TENM2: variants seen among roughly 807,000 people sequenced by gnomAD.
The protein encoded by TENM2 is teneurin transmembrane protein 2.
A neutral mutation model predicts 245.2 loss-of-function variants in TENM2; 52 were observed. The ratio of observed to expected loss-of-function variants is 0.21; its 90% CI spans 0.17 to 0.27. The LOEUF (loss-of-function observed/expected upper bound fraction) is 0.27, where lower values mean the gene tolerates loss of function less well. TENM2 is among the 10% of genes least tolerant of loss of function. The pLI is 1.00. For synonymous variants in TENM2, 1,363 were observed against 1,438.9 expected, an observed-to-expected ratio of 0.95 and a Z score of 1.19; for missense variants, 3,046 against 3,666.8, an observed-to-expected ratio of 0.83 and a Z score of 4.37.
At chr5:167,435,702 T>C (rs186329139) in intron 2 of TENM2, among the ~76,000 whole-genome samples, 37 of 152,090 alleles carry the variant, frequency 2.4e-4, no homozygotes, top group African/African-American at 7.0e-4. Flanking sequence ...CAGAAGAAGA[T>C]AAAAAAATGT....
At chr5:167,389,031 T>A (rs548476103) in intron 2 of TENM2, among the ~76,000 whole-genome samples, 29 of 152,028 alleles carry the variant, frequency 1.9e-4, no homozygotes, top group African/African-American at 6.8e-4. Flanking sequence ...CTCAGCCCAT[T>A]TGGACTCTCA....
At chr5:167,363,095 C>T (rs4869034) in intron 1 of TENM2, among the ~76,000 whole-genome samples, 111,181 of 152,046 alleles carry the variant, frequency 0.73, 40,859 homozygotes, top group East Asian at 0.93. Flanking sequence ...GAGAACTCTC[C>T]ATCCAGGCAG....
intron 5 of TENM2, among the ~76,000 whole-genome samples, chr5:168,021,074 C>T (rs746353395): frequency 1.2e-4 from 18 of 152,268 alleles, no homozygotes; most frequent in African/African-American, 3.1e-4. Flanking sequence ...GGCTAGGAAT[C>T]GTTTGTGGCA....
At chr5:167,666,934 A>G (rs1226700558) in intron 2 of TENM2, among the ~76,000 whole-genome samples, 1 of 152,156 alleles carries the variant, frequency 6.6e-6, no homozygotes, top group East Asian at 1.9e-4. Context: ...TGAGACTGAA[A>G]GGGGTTTCTG....
At position 167,438,206 on chromosome 5, in the gene TENM2, A is replaced by G. The variant is rs191033146; in HGVS notation, c.502+62733A>G. On this transcript the variant is annotated intron_variant, in intron 2 of 28. Transcript: ENST00000518659. Reference sequence around the variant, plus strand: ...ATACTCCATCCAAAATGAACTATGTACTTTTTTCCGCAAGGATCCAAAAAG... The same window carrying G: ...ATACTCCATCCAAAATGAACTATGTGCTTTTTTCCGCAAGGATCCAAAAAG... 2.2e-3 allele frequency among the ~76,000 whole-genome samples: 337 copies of G among 152,256 alleles called. 1 individual carries two copies. Among genetic ancestry groups the G allele is most frequent in the African/African-American group, 7.6e-3 (315 of 41,548 alleles).
chr5:167,144,693 A>G, the TENM2 span, among the ~76,000 whole-genome samples: 3 of 152,138 alleles, frequency 2.0e-5, no homozygotes, highest in Non-Finnish European at 2.9e-5. Context: ...CCATTCACTC[A>G]TAAGCTGTTA....
chr5:168,137,604 G>T lies in TENM2; in HGVS notation c.2422+10638G>T, dbSNP rs144183015. Among the ~76,000 whole-genome samples the T allele has an allele frequency of 9.8e-5, 15 of 152,358 alleles. No homozygotes were observed. In the East Asian group the frequency reaches 2.1e-3, roughly 22 times the overall value. ...CTTTGCAGATAGCATCCTGGCAACA[G>T]GGCAAGGAGATTGTTTCCCTATATT... is the stretch of plus-strand genomic sequence containing the variant. On this transcript the variant is annotated intron_variant, in intron 12 of 28. Coordinates refer to ENST00000518659, the Ensembl canonical transcript of TENM2.
At chr5:167,921,691 C>G (rs1777384233) in intron 3 of TENM2, among the ~76,000 whole-genome samples, 1 of 152,004 alleles carries the variant, frequency 6.6e-6, no homozygotes, top group South Asian at 2.1e-4. Flanking sequence ...CTTAATGTAT[C>G]TCAGGGAGGG....
intron 2 of TENM2, among the ~76,000 whole-genome samples, chr5:167,576,106 G>T (rs545842180): frequency 9.0e-4 from 137 of 152,130 alleles, no homozygotes; most frequent in Admixed American, 1.9e-3. Flanking sequence ...TAAATTTGAA[G>T]TTGCGACTTG....
At chr5:167,278,053 C>T in the TENM2 span, among the ~76,000 whole-genome samples, 1 of 152,050 alleles carries the variant, frequency 6.6e-6, no homozygotes, top group African/African-American at 2.4e-5. Flanking sequence ...CCTGTAATCC[C>T]AGCACTTTGG....
chr5:167,392,904 A>C (rs986059547), intron 2 of TENM2, among the ~76,000 whole-genome samples: 1 of 152,078 alleles, frequency 6.6e-6, no homozygotes, highest in African/African-American at 2.4e-5. Context: ...CGGGTGGATC[A>C]GGAGGTCAGG....
chr5:167,073,842 G>C, the TENM2 span, among the ~76,000 whole-genome samples: 4 of 152,294 alleles, frequency 2.6e-5, no homozygotes, highest in African/African-American at 9.6e-5. Flanking sequence ...AAAGCAAAGA[G>C]AAAATCATTA....
chr5:166,986,130 G>A, the TENM2 span, among the ~76,000 whole-genome samples: 1 of 152,112 alleles, frequency 6.6e-6, no homozygotes, highest in Non-Finnish European at 1.5e-5. Flanking sequence ...CAGGTGAGGT[G>A]CAAAACAGTG....
intron 3 of TENM2, chr5:167,937,938 A>T (rs1409679275): frequency 6.6e-6 from 1 of 152,236 alleles, no homozygotes; most frequent in Non-Finnish European, 1.5e-5. Flanking sequence ...AGCACCCTGA[A>T]AATCACGTGT....
chr5:167,355,274 C>T (rs1456846288), intron 1 of TENM2, among the ~76,000 whole-genome samples: 1 of 152,112 alleles, frequency 6.6e-6, no homozygotes, highest in African/African-American at 2.4e-5. Context: ...TACGACCTGC[C>T]AGATATGCAG....
chr5:167,712,224 G>C (rs1758959431), intron 2 of TENM2, among the ~76,000 whole-genome samples: 1 of 152,064 alleles, frequency 6.6e-6, no homozygotes, highest in Admixed American at 6.5e-5. Flanking sequence ...AGTAAAGAAA[G>C]GCAAAAGTCA....
chr5:167,473,276 T>C (rs967015954), intron 2 of TENM2, among the ~76,000 whole-genome samples: 3 of 152,212 alleles, frequency 2.0e-5, no homozygotes, highest in African/African-American at 7.2e-5. Flanking sequence ...ACATAATCAC[T>C]CTTACTCTTA....
chr5:167,783,992 T>A (rs912391769), intron 2 of TENM2, among the ~76,000 whole-genome samples: 16 of 152,100 alleles, frequency 1.1e-4, no homozygotes, highest in African/African-American at 3.4e-4. Context: ...GAGGGATGCT[T>A]GGAAGTCACT....
chr5:167,089,552 A>G, the TENM2 span, among the ~76,000 whole-genome samples: 20 of 152,074 alleles, frequency 1.3e-4, no homozygotes, highest in African/African-American at 4.8e-4. Flanking sequence ...TTTTTATTTT[A>G]TGTGATTTCA....
Sources: gnomAD v4.1 joint callset for allele counts (sites outside exome capture counted in the v4.1 genomes callset) on GRCh38, gnomAD v4.1.1 for gene constraint, MANE v1.5 for transcripts, NCBI Gene and HGNC (gene_info 2026-07-23, HGNC 2026-07-21) for gene names.